HOOK3: variants seen among roughly 807,000 people sequenced by gnomAD.
HOOK3 encodes hook microtubule tethering protein 3, also known as protein Hook homolog 3.
Under a neutral mutation model 116.3 loss-of-function variants are expected in HOOK3, and 24 were observed. The ratio of observed to expected loss-of-function variants is 0.21; its 90% confidence interval spans 0.15 to 0.29. The LOEUF (loss-of-function observed/expected upper bound fraction) is 0.29, where lower values mean the gene tolerates loss of function less well. Among genes scored for constraint, HOOK3 ranks in the 10% least tolerant of loss-of-function variants. The pLI is 1.00. For missense variants in HOOK3, 632 were observed against 830.2 expected (o/e 0.76, Z 2.93); for synonymous variants, 275 against 283.0 (o/e 0.97, Z 0.28).
chr8:42,950,257 G>T, intron 5 of HOOK3, 131 bp from the exon 6 acceptor site: 1 of 638,328 alleles, frequency 1.6e-6, no homozygotes, highest in Non-Finnish European at 2.8e-6. Flanking sequence ...ACATTTAATG[G>T]TGTATGTGGG....
intron 17 of HOOK3, among the ~76,000 whole-genome samples, chr8:43,007,557 G>A (rs1809517087): frequency 6.6e-6 from 1 of 152,056 alleles, no homozygotes; most frequent in Admixed American, 6.6e-5. Context: ...GATTTTGCAT[G>A]GTAAAACCTT....
At position 42,944,377 on chromosome 8, in the gene HOOK3, C is replaced by T. The variant is rs188116854; in HGVS notation, c.400+932C>T. Among the ~76,000 whole-genome samples, 135 of 152,112 alleles carry T rather than the reference C, an allele frequency of 8.9e-4. 1 individual carries two copies. The highest frequency in any genetic ancestry group is 2.3e-3 in the Admixed American group (35 of 15,276). On this transcript the variant is annotated intron_variant, in intron 5 of 21. Transcript: ENST00000307602. ...GTTGCAATGAGCCAAGATCGCATCACTGCACTCCAGCCTGGGCGACAGAGC... is the reference window on the plus strand; with the variant it reads ...GTTGCAATGAGCCAAGATCGCATCATTGCACTCCAGCCTGGGCGACAGAGC...
At position 42,990,036 on chromosome 8, in the gene HOOK3, G is replaced by A. The variant is rs558005928; in HGVS notation, c.1532+3241G>A. ...TTTTGAGACAGGATCTTACTCTGTC[G>A]CCCAGGCTGGACTGCAGTGGTATGA... is the stretch of plus-strand genomic sequence containing the variant. On this transcript the variant is annotated intron_variant, in intron 15 of 21. Transcript: ENST00000307602. Among the ~76,000 whole-genome samples the A allele has an allele frequency of 8.6e-5, 13 of 151,510 alleles. No homozygotes were observed. In the East Asian group the frequency reaches 2.5e-3, roughly 29 times the overall value.
chr8:43,010,670 TAAC>T (rs1210616475), intron 19 of HOOK3, among the ~76,000 whole-genome samples: 3 of 152,192 alleles, frequency 2.0e-5, no homozygotes, highest in African/African-American at 7.2e-5. Context: ...TCATCAAAAT[TAAC>T]AACACCAATT....
intron 3 of HOOK3, among the ~76,000 whole-genome samples, 157 bp from the exon 4 acceptor site, chr8:42,929,964 TG>T (rs1419642442): frequency 3.9e-5 from 6 of 152,096 alleles, no homozygotes; most frequent in Non-Finnish European, 7.4e-5. Flanking sequence ...TAGTACTTTT[TG>T]ATGATGATGA....
At chr8:42,978,657 A>G (rs1034405753) in intron 13 of HOOK3, among the ~76,000 whole-genome samples, 3 of 151,514 alleles carry the variant, frequency 2.0e-5, no homozygotes, top group African/African-American at 7.3e-5. Context: ...CAGGTGATCC[A>G]CCCACCTCGG....
chr8:42,990,952 A>T (rs1035132008), intron 15 of HOOK3, among the ~76,000 whole-genome samples: 1 of 152,124 alleles, frequency 6.6e-6, no homozygotes, highest in South Asian at 2.1e-4. Flanking sequence ...TAAATCTTTG[A>T]TCCATTTTGA....
chr8:42,921,360 G>A (rs1807654311), intron 2 of HOOK3, among the ~76,000 whole-genome samples: 2 of 152,098 alleles, frequency 1.3e-5, no homozygotes, highest in Admixed American at 1.3e-4. Context: ...GATTGCTAAT[G>A]ATTGTGCTTT....
intron 16 of HOOK3, among the ~76,000 whole-genome samples, chr8:42,998,512 G>T (rs531375078): frequency 6.6e-6 from 1 of 152,132 alleles, no homozygotes; most frequent in East Asian, 1.9e-4. Flanking sequence ...CAAAACTATA[G>T]ATGTAGCCAA....
intron 4 of HOOK3, among the ~76,000 whole-genome samples, chr8:42,931,124 C>T (rs561992335): frequency 6.6e-6 from 1 of 152,342 alleles, no homozygotes; most frequent in South Asian, 2.1e-4. Flanking sequence ...TGCTTCTGTG[C>T]CTGAAATCTG....
intron 1 of HOOK3, among the ~76,000 whole-genome samples, chr8:42,899,368 A>T (rs971791718): frequency 6.6e-6 from 1 of 152,214 alleles, no homozygotes; most frequent in Non-Finnish European, 1.5e-5. Flanking sequence ...TCTGGATAAG[A>T]TTAGAGATTA....
At chr8:42,904,994 C>G (rs1373493334) in intron 1 of HOOK3, among the ~76,000 whole-genome samples, 1 of 152,212 alleles carries the variant, frequency 6.6e-6, no homozygotes, top group African/African-American at 2.4e-5. Context: ...TACTGGGTAG[C>G]TGGCTCAGCT....
At chr8:43,016,898 G>A (rs1431883063) in intron 21 of HOOK3, among the ~76,000 whole-genome samples, 1 of 152,122 alleles carries the variant, frequency 6.6e-6, no homozygotes, top group African/African-American at 2.4e-5. Flanking sequence ...CTGAGGTTGG[G>A]CGCATGGGCT....
chr8:42,951,867 G>A (rs899809238), intron 6 of HOOK3, among the ~76,000 whole-genome samples: 1 of 152,050 alleles, frequency 6.6e-6, no homozygotes, highest in African/African-American at 2.4e-5. Flanking sequence ...CTTGAACTTA[G>A]GAGGCAGAGG....
chr8:42,963,603 C>T (rs1808576599), intron 8 of HOOK3, among the ~76,000 whole-genome samples: 2 of 152,172 alleles, frequency 1.3e-5, no homozygotes, highest in Admixed American at 1.3e-4. Flanking sequence ...AACTATTTTC[C>T]AAAATGTTTG....
At chr8:42,931,692 A>G (rs921161844) in intron 4 of HOOK3, among the ~76,000 whole-genome samples, 1 of 151,720 alleles carries the variant, frequency 6.6e-6, no homozygotes, top group African/African-American at 2.4e-5. Context: ...TCGGCCTCCC[A>G]GAGTGCTGAG....
intron 13 of HOOK3, among the ~76,000 whole-genome samples, chr8:42,981,593 G>T (rs1363156917): frequency 6.6e-6 from 1 of 152,066 alleles, no homozygotes; most frequent in Non-Finnish European, 1.5e-5. Context: ...CCATTTAAAA[G>T]AATAAGGTGG....
chr8:42,915,187 A>T (rs1807507419), intron 2 of HOOK3, among the ~76,000 whole-genome samples: 1 of 152,054 alleles, frequency 6.6e-6, no homozygotes, highest in African/African-American at 2.4e-5. Flanking sequence ...TCCGATGGTC[A>T]CCAGGTGATT....
intron 9 of HOOK3, among the ~76,000 whole-genome samples, chr8:42,965,474 T>G (rs1808616786): frequency 6.6e-6 from 1 of 152,168 alleles, no homozygotes; most frequent in Non-Finnish European, 1.5e-5. Context: ...AGAAGGGCCC[T>G]TTGACCTTTG....
Sources: allele counts gnomAD v4.1 joint callset (sites outside exome capture counted in the v4.1 genomes callset), GRCh38; gene constraint gnomAD v4.1.1; transcripts MANE v1.5; gene names NCBI Gene and HGNC (gene_info 2026-07-23, HGNC 2026-07-21).